The following ACSS1 variants were observed in gnomAD, a reference collection of about 807,000 sequenced individuals.
ACSS1 encodes acetyl-coenzyme A synthetase 2-like, mitochondrial.
In ACSS1, 42 loss-of-function variants were observed where a neutral mutation model predicts 75.3. The ratio of observed to expected loss-of-function variants is 0.56; its 90% CI spans 0.44 to 0.72. ACSS1 has a LOEUF of 0.72. Among genes scored for constraint, ACSS1 ranks in the 30% least tolerant of loss-of-function variants. The pLI, the probability that ACSS1 is intolerant of heterozygous loss-of-function variation, is 0.00. For missense variants in ACSS1, 782 were observed against 935.7 expected (o/e 0.84, Z 2.14); for synonymous variants, 380 against 376.8 (o/e 1.01, Z -0.10).
intron 2 of ACSS1, among the ~76,000 whole-genome samples, chr20:25,037,745 C>T (rs967277002): frequency 9.2e-5 from 14 of 152,238 alleles, no homozygotes; most frequent in South Asian, 2.1e-4. Flanking sequence ...CCCCTTCTCA[C>T]GCAGGAGGAG....
chr20:25,042,504 G>A (rs1182782526), intron 2 of ACSS1, among the ~76,000 whole-genome samples: 1 of 152,178 alleles, frequency 6.6e-6, no homozygotes, highest in Non-Finnish European at 1.5e-5. Flanking sequence ...GACAGCCGCT[G>A]TGTCACACAC....
chr20:25,023,726 C>T, intron 3 of ACSS1, 85 bp from the exon 4 acceptor site: 4 of 1,331,886 alleles, frequency 3.0e-6, no homozygotes, highest in Non-Finnish European at 4.1e-6. Context: ...ACATCCAGGC[C>T]TAGGAGTGTG....
intron 2 of ACSS1, among the ~76,000 whole-genome samples, chr20:25,041,237 G>C (rs2088997299): frequency 6.9e-6 from 1 of 145,152 alleles, no homozygotes; most frequent in South Asian, 2.2e-4. Context: ...CAGCCTGGGT[G>C]ACAGAGCGAG....
intron 1 of ACSS1, 74 bp from the exon 2 acceptor site, chr20:25,048,255 G>T: frequency 7.5e-7 from 1 of 1,336,202 alleles, no homozygotes; most frequent in South Asian, 1.2e-5. Context: ...TTGAGGGGTT[G>T]GAGCGGGTCT....
intron 2 of ACSS1, among the ~76,000 whole-genome samples, chr20:25,031,552 T>C (rs1391932495): frequency 1.3e-5 from 2 of 152,228 alleles, no homozygotes; most frequent in Non-Finnish European, 2.9e-5. Context: ...ATAGCTTAGC[T>C]TTTACATAGA....
At chr20:25,016,696 G>A (rs976891690) in intron 7 of ACSS1, among the ~76,000 whole-genome samples, 10 of 152,226 alleles carry the variant, frequency 6.6e-5, no homozygotes, top group Admixed American at 2.6e-4. Context: ...GCCCCGCAGC[G>A]CTGGTGGACA....
chr20:25,007,550 G>T lies in ACSS1; in HGVS notation c.*212C>A. On this transcript the variant is annotated 3_prime_UTR_variant, in exon 14 of 14. Transcript: ENST00000323482. ...TGGCAGAACCAGCCCTAGCCATGTC[G>T]CATAGCCTCTCCATGGGTGACACTC... 1 of 1,401,614 alleles carries T rather than the reference G, an allele frequency of 7.1e-7. No homozygotes were observed. The allele number at this position is 1,401,614 out of a possible 1,614,324, so 86.8% of individuals were successfully genotyped here.
intron 2 of ACSS1, chr20:25,031,250 C>G (rs917682482): frequency 4.4e-6 from 2 of 454,534 alleles, no homozygotes; most frequent in Non-Finnish European, 8.1e-6. Flanking sequence ...CGTAGGGGAG[C>G]CATGGTGACA....
intron 12 of ACSS1, chr20:25,009,683 C>T (rs938653232): frequency 9.8e-6 from 4 of 406,872 alleles, no homozygotes; most frequent in South Asian, 2.6e-5. Flanking sequence ...GGACATGGGA[C>T]CTCCCCTCTC....
intron 1 of ACSS1, among the ~76,000 whole-genome samples, chr20:25,057,361 C>T (rs981262561): frequency 6.6e-6 from 1 of 152,242 alleles, no homozygotes; most frequent in Non-Finnish European, 1.5e-5. Flanking sequence ...TTTCCCTCCA[C>T]CCCGGTATGG....
chr20:25,020,216 C>G, intron 6 of ACSS1, 69 bp from the exon 7 acceptor site: 3 of 1,600,370 alleles, frequency 1.9e-6, no homozygotes, highest in Non-Finnish European at 1.7e-6. Flanking sequence ...CAGAGATCAG[C>G]CAAGACTTCC....
At chr20:25,013,686 G>C (rs772815187) in intron 9 of ACSS1, 24 bp from the exon 10 acceptor site, 2 of 1,581,154 alleles carry the variant, frequency 1.3e-6, no homozygotes, top group South Asian at 1.1e-5. Flanking sequence ...ACATGCAAGT[G>C]AGACAGGGCA....
chr20:25,050,265 CAGG>C (rs1387937138), intron 1 of ACSS1, among the ~76,000 whole-genome samples: 2 of 152,102 alleles, frequency 1.3e-5, no homozygotes, highest in Non-Finnish European at 2.9e-5. Flanking sequence ...GAACAATCAG[CAGG>C]AGACCATCCC....
chr20:25,008,203 C>T (rs755747271), intron 13 of ACSS1, among the ~76,000 whole-genome samples: 18 of 152,350 alleles, frequency 1.2e-4, no homozygotes, highest in Middle Eastern at 3.4e-3. Context: ...CCCGTACTGC[C>T]GTCCGTCTGT....
chr20:25,023,183 G>C (rs1392492112), intron 4 of ACSS1, 91 bp from the exon 5 acceptor site: 2 of 1,462,406 alleles, frequency 1.4e-6, no homozygotes, highest in African/African-American at 1.4e-5. Context: ...CCACACACAG[G>C]ATTCAGAATT....
chr20:25,016,255 T>C (rs2088514097), intron 7 of ACSS1, among the ~76,000 whole-genome samples: 1 of 152,164 alleles, frequency 6.6e-6, no homozygotes, highest in Non-Finnish European at 1.5e-5. Flanking sequence ...ACTGTGGTCA[T>C]GGTTCGGGTA....
At position 25,007,241 on chromosome 20, in the gene ACSS1, A is replaced by G; in HGVS notation, c.*521T>C. The G allele has an allele frequency of 8.6e-7, 1 of 1,158,610 alleles. No individual in the cohort carries two copies. The highest frequency in any genetic ancestry group is 1.1e-6 in the Non-Finnish European group (1 of 938,330). 71.8% of individuals were successfully genotyped at this position (1,158,610 alleles called of 1,614,324 possible). A position where few individuals can be genotyped will look rare whatever the true frequency, so the allele number is the denominator to read the frequency against. ...TGTTTCCTCACCAGTAGAGGCAAAA[A>G]AGGAGATTTTCATAACTACATGTTA... On this transcript the variant is annotated 3_prime_UTR_variant, in exon 14 of 14. Transcript: ENST00000323482.
intron 1 of ACSS1, among the ~76,000 whole-genome samples, chr20:25,050,432 C>T (rs2089159790): frequency 1.3e-5 from 2 of 152,082 alleles, no homozygotes; most frequent in South Asian, 2.1e-4. Context: ...TTCAGCCCCA[C>T]CCAGACCTGC....
chr20:25,019,860 T>C, intron 7 of ACSS1, 150 bp downstream of exon 7: 1 of 1,157,162 alleles, frequency 8.6e-7, no homozygotes, highest in African/African-American at 1.5e-5. Flanking sequence ...GAAGAGGTGC[T>C]GGTGCTTTCT....
Sources: allele counts gnomAD v4.1 joint callset (sites outside exome capture counted in the v4.1 genomes callset), GRCh38; gene constraint gnomAD v4.1.1; transcripts MANE v1.5; gene names NCBI Gene and HGNC (gene_info 2026-07-23, HGNC 2026-07-21).